KCND3: variants seen among roughly 807,000 people sequenced by gnomAD.
KCND3 encodes A-type voltage-gated potassium channel KCND3.
A neutral mutation model predicts 51.1 loss-of-function variants in KCND3; 9 were observed. The observed-to-expected ratio is 0.18, with a 90% CI of 0.11 to 0.31. The LOEUF is 0.31. Ranked by LOEUF, KCND3 falls within the 10% of genes least tolerant of loss-of-function variation. The pLI is 1.00. For synonymous variants in KCND3, 349 were observed against 368.0 expected, an observed-to-expected ratio of 0.95 and a Z score of 0.59; for missense variants, 526 against 903.8, an observed-to-expected ratio of 0.58 and a Z score of 5.36.
chr1:111,870,918 G>A (rs1030150392), intron 2 of KCND3, among the ~76,000 whole-genome samples: 12 of 152,162 alleles, frequency 7.9e-5, no homozygotes, highest in African/African-American at 9.7e-5. Flanking sequence ...GGGATATAAC[G>A]GGAATATAAC....
At chr1:111,909,236 G>A (rs1670804886) in intron 2 of KCND3, 1 of 152,210 alleles carries the variant, frequency 6.6e-6, no homozygotes, top group Non-Finnish European at 1.5e-5. Context: ...CTGGGGGGTG[G>A]GGAGGTGGCA....
intron 2 of KCND3, among the ~76,000 whole-genome samples, chr1:111,800,463 T>C (rs1283880117): frequency 7.8e-6 from 1 of 128,086 alleles, no homozygotes; most frequent in Non-Finnish European, 1.6e-5. Flanking sequence ...CTTGTTTATC[T>C]GCTGACCTTC....
Position 111,774,816 on chromosome 1 carries a change from TC to T in KCND3, c.*1260del, listed in dbSNP as rs1336822230. On this transcript the variant is annotated 3_prime_UTR_variant, in exon 8 of 8. Transcript: ENST00000302127. ...CACTGCCCTCTCTGGAGAAAACTACTCCCGGGGCCTCTTGGAAGGGCTCTGG... is the reference window on the plus strand; with the variant it reads ...CACTGCCCTCTCTGGAGAAAACTACTCCGGGGCCTCTTGGAAGGGCTCTGG... 6.6e-6 allele frequency: 1 copy of T among 152,174 alleles called. No individual in the cohort carries two copies. The highest frequency in any genetic ancestry group is 1.5e-5 in the Non-Finnish European group (1 of 68,066). The allele number at this position is 152,174 out of a possible 1,614,324, so 9.4% of individuals were successfully genotyped here.
chr1:111,927,487 T>C (rs1671760855), intron 2 of KCND3, among the ~76,000 whole-genome samples: 1 of 152,256 alleles, frequency 6.6e-6, no homozygotes. Flanking sequence ...GCCCATGTCC[T>C]CCTGTGTAGC....
At chr1:111,840,989 G>T (rs1667297886) in intron 2 of KCND3, among the ~76,000 whole-genome samples, 1 of 152,198 alleles carries the variant, frequency 6.6e-6, no homozygotes, top group Admixed American at 6.5e-5. Flanking sequence ...TCATATCAAT[G>T]ATTCATTCTT....
At chr1:111,942,083 G>C (rs955117035) in intron 2 of KCND3, among the ~76,000 whole-genome samples, 2 of 152,154 alleles carry the variant, frequency 1.3e-5, no homozygotes, top group Non-Finnish European at 2.9e-5. Context: ...CCTGAACCCT[G>C]GTGGGCACAA....
chr1:111,959,789 C>G (rs1485902744), intron 2 of KCND3, among the ~76,000 whole-genome samples: 1 of 152,138 alleles, frequency 6.6e-6, no homozygotes, highest in Non-Finnish European at 1.5e-5. Flanking sequence ...AAATAGTTCA[C>G]AGTGAAATGG....
intron 2 of KCND3, among the ~76,000 whole-genome samples, chr1:111,893,709 G>GCC (rs1436797004): frequency 6.6e-6 from 1 of 152,156 alleles, no homozygotes; most frequent in African/African-American, 2.4e-5. Flanking sequence ...ACAACCCAGG[G>GCC]CCCAAGTGAC....
At chr1:111,894,886 A>G (rs1296158827) in intron 2 of KCND3, among the ~76,000 whole-genome samples, 1 of 151,806 alleles carries the variant, frequency 6.6e-6, no homozygotes, top group African/African-American at 2.4e-5. Flanking sequence ...CAGCAGAAGG[A>G]GGAGGAGGAG....
intron 2 of KCND3, among the ~76,000 whole-genome samples, chr1:111,900,048 T>A (rs1397549537): frequency 2.0e-5 from 3 of 152,120 alleles, no homozygotes; most frequent in Non-Finnish European, 2.9e-5. Context: ...AGTGCAGTGT[T>A]AGATACTGTG....
chr1:111,956,335 C>T (rs1246909603), intron 2 of KCND3, among the ~76,000 whole-genome samples: 4 of 152,170 alleles, frequency 2.6e-5, no homozygotes, highest in Admixed American at 6.5e-5. Flanking sequence ...TCCCGCCAGT[C>T]GCCTCCCCAG....
intron 2 of KCND3, among the ~76,000 whole-genome samples, chr1:111,908,363 T>C (rs1670752321): frequency 6.6e-6 from 1 of 152,182 alleles, no homozygotes; most frequent in African/African-American, 2.4e-5. Flanking sequence ...CAAACCCTTT[T>C]GGAATGTTCT....
intron 2 of KCND3, among the ~76,000 whole-genome samples, chr1:111,790,170 C>T (rs1457159612): frequency 6.6e-6 from 1 of 152,136 alleles, no homozygotes; most frequent in African/African-American, 2.4e-5. Flanking sequence ...CACTGGAGTC[C>T]AACCTGGGTT....
At chr1:111,951,157 C>CA (rs71081206) in intron 2 of KCND3, among the ~76,000 whole-genome samples, 1,637 of 30,608 alleles carry the variant, frequency 0.053, 166 homozygotes, top group Non-Finnish European at 0.061. Context: ...CAAACAAGAG[C>CA]AAAAAAAAAA....
chr1:111,784,660 T>C (rs1441465795), intron 3 of KCND3, among the ~76,000 whole-genome samples: 1 of 152,160 alleles, frequency 6.6e-6, no homozygotes, highest in East Asian at 1.9e-4. Context: ...CCTTGACCCA[T>C]GGTGACAGAC....
chr1:111,919,509 G>C (rs1311185808), intron 2 of KCND3, among the ~76,000 whole-genome samples: 1 of 152,120 alleles, frequency 6.6e-6, no homozygotes, highest in Non-Finnish European at 1.5e-5. Context: ...GGCCAGAGGA[G>C]ATAAAGCCCT....
At chr1:111,913,305 C>A (rs1395001708) in intron 2 of KCND3, among the ~76,000 whole-genome samples, 1 of 152,170 alleles carries the variant, frequency 6.6e-6, no homozygotes, top group Non-Finnish European at 1.5e-5. Flanking sequence ...TACACTCTAT[C>A]ATGTCTGTTC....
At chr1:111,979,302 CA>C (rs1222294013) in intron 2 of KCND3, among the ~76,000 whole-genome samples, 1 of 152,210 alleles carries the variant, frequency 6.6e-6, no homozygotes, top group Non-Finnish European at 1.5e-5. Flanking sequence ...GGGTGAATGA[CA>C]AAAGAAGTCA....
intron 2 of KCND3, among the ~76,000 whole-genome samples, chr1:111,811,473 G>A (rs1178766100): frequency 6.6e-6 from 1 of 152,204 alleles, no homozygotes; most frequent in Non-Finnish European, 1.5e-5. Flanking sequence ...AAAGCTGTGA[G>A]GGGTCTGTCC....
Sources: gnomAD v4.1 joint callset for allele counts (sites outside exome capture counted in the v4.1 genomes callset) on GRCh38, gnomAD v4.1.1 for gene constraint, MANE v1.5 for transcripts, NCBI Gene and HGNC (gene_info 2026-07-23, HGNC 2026-07-21) for gene names.